Variants in ZNF681 observed in about 807,000 individuals in gnomAD.
The protein encoded by ZNF681 is zinc finger protein 681, also known as hypothetical protein FLJ31526.
ZNF681 carries 37 observed loss-of-function variants against 56.0 expected under a neutral mutation model. The ratio of observed to expected loss-of-function variants is 0.66; its 90% CI spans 0.51 to 0.87. ZNF681 has a LOEUF of 0.87. Among genes scored for constraint, ZNF681 ranks in the 40% least tolerant of loss-of-function variants. ZNF681 has a pLI of 0.00. For missense variants in ZNF681, 741 were observed against 744.9 expected (o/e 0.99, Z 0.06); for synonymous variants, 225 against 248.6 (o/e 0.91, Z 0.89).
Position 23,744,818 on chromosome 19 carries a change from A to C in ZNF681, c.732T>G (p.His244Gln). The C allele has an allele frequency of 6.2e-7, 1 of 1,613,304 alleles. No individual in the cohort carries two copies. The highest frequency in any genetic ancestry group is 2.2e-5 in the East Asian group (1 of 44,834). The change falls in exon 4 of 4, where the codon CAT becomes CAG. Residue 244 changes from histidine to glutamine, a missense_variant. Coordinates refer to ENST00000402377, the MANE Select transcript of ZNF681 (RefSeq NM_138286.3). Reference protein sequence around the residue: ...ACNQFTNLTTHKIIYTRDKLY... With the variant: ...ACNQFTNLTTQKIIYTRDKLY... The stretch of plus-strand genomic sequence containing the variant: ...GTTTGTCTCTAGTATAAATTATCTT[A>C]TGTGTAGTAAGGTTTGTGAACTGGT...
In ZNF681 at chr19:23,754,918, C is replaced by A. The variant is rs1476686303; in HGVS notation, c.131G>T (p.Gly44Val). 6.2e-7 allele frequency: 1 copy of A among 1,610,914 alleles called. No individual in the cohort carries two copies. The highest frequency in any genetic ancestry group is 8.5e-7 in the Non-Finnish European group (1 of 1,178,652). ...LENYRNLVFL[G>V]IVVSKPDLIT... is the part of the protein sequence containing the mutation. ...CAGGTCTGGCTTAGAGACAACAATA[C>A]CTGTTTTATTGAAAGTAAATAACAT... Residue 44 changes from glycine (G) to valine (V), a missense_variant and splice_region_variant, in exon 3 of 4, where the codon GGT becomes GTT. Transcript: ENST00000402377.
At chr19:23,755,390 G>A in intron 2 of ZNF681, 35 bp downstream of exon 2, 1 of 1,589,810 alleles carries the variant, frequency 6.3e-7, no homozygotes, top group Non-Finnish European at 8.5e-7. Flanking sequence ...AACCTTTAGG[G>A]TATAATAGGA....
chr19:23,747,533 G>A (rs569522787), intron 3 of ZNF681, among the ~76,000 whole-genome samples: 43 of 151,204 alleles, frequency 2.8e-4, no homozygotes, highest in African/African-American at 8.3e-4. Context: ...CCAGCTACTC[G>A]GGAGGCTGAG....
Position 23,758,853 on chromosome 19 carries a change from G to C in ZNF681, c.-104C>G. 1 of 1,510,050 alleles carries C rather than the reference G, an allele frequency of 6.6e-7. No individual in the cohort carries two copies. Among genetic ancestry groups the C allele is most frequent in the East Asian group, 2.3e-5 (1 of 44,128 alleles). 93.5% of individuals were successfully genotyped at this position (1,510,050 alleles called of 1,614,324 possible). On this transcript the variant is annotated 5_prime_UTR_variant, in exon 1 of 4. Transcript: ENST00000402377. ...CTCTAGAAGAAGAGGACACAGAGCA[G>C]TGAAGACGAGACCCGGAGCTCGGGC...
intron 3 of ZNF681, among the ~76,000 whole-genome samples, chr19:23,746,140 C>A (rs1017851143): frequency 1.4e-4 from 21 of 151,938 alleles, no homozygotes; most frequent in African/African-American, 4.1e-4. Flanking sequence ...CATGGTGAAA[C>A]CCTGTCTCTA....
chr19:23,751,382 A>G (rs1020824046), intron 3 of ZNF681, among the ~76,000 whole-genome samples: 1 of 150,820 alleles, frequency 6.6e-6, no homozygotes, highest in African/African-American at 2.4e-5. Flanking sequence ...AGGCTGAGGC[A>G]GCAGAATTGC....
In ZNF681 at chr19:23,743,663, G is replaced by A. The variant is rs1320607440; in HGVS notation, c.1887C>T (p.Asn629=). The A allele has an allele frequency of 6.4e-7, 1 of 1,564,398 alleles. No individual in the cohort carries two copies. Among genetic ancestry groups the A allele is most frequent in the African/African-American group, 1.4e-5 (1 of 72,984 alleles). Residue 629 remains asparagine, a synonymous_variant, in exon 4 of 4, where the codon AAC becomes AAT. Coordinates refer to ENST00000402377, the MANE Select transcript of ZNF681 (RefSeq NM_138286.3). ...KPKRCNSDFE[N]TSKFSKHKRN... Reference sequence around the variant, plus strand: ...TTTTATGTTTAGAAAACTTTGAAGTGTTTTCAAAATCACTGTTACATCTTT... The same window carrying A: ...TTTTATGTTTAGAAAACTTTGAAGTATTTTCAAAATCACTGTTACATCTTT...
rs570458431 is a variant in ZNF681, at chr19:23,745,470, T to G, written c.227-147A>C. On this transcript the variant is annotated intron_variant, in intron 3 of 3. Coordinates refer to ENST00000402377, the MANE Select transcript of ZNF681 (RefSeq NM_138286.3). Reference sequence around the variant, plus strand: ...CCTAATTTTTTTTTTTTTTTTTTCCTGAGACGGAGTTTCAATCTGTCACTT... The same window carrying G: ...CCTAATTTTTTTTTTTTTTTTTTCCGGAGACGGAGTTTCAATCTGTCACTT... 9.4e-5 allele frequency: 51 copies of G among 544,164 alleles called. No homozygotes were observed. The East Asian group carries it at 1.3e-3, about 13-fold the overall frequency. 33.7% of individuals were successfully genotyped at this position (544,164 alleles called of 1,614,324 possible).
intron 3 of ZNF681, among the ~76,000 whole-genome samples, chr19:23,753,346 C>A (rs1400450877): frequency 6.6e-6 from 1 of 152,296 alleles, no homozygotes; most frequent in Non-Finnish European, 1.5e-5. Context: ...TTGCAGTGAG[C>A]TGAGATCGCA....
chr19:23,746,835 GA>G, intron 3 of ZNF681, among the ~76,000 whole-genome samples: 1 of 152,264 alleles, frequency 6.6e-6, no homozygotes, highest in South Asian at 2.1e-4. Flanking sequence ...TTAAATTTAG[GA>G]ATACCAGGTG....
chr19:23,743,900 A>G lies in ZNF681; in HGVS notation c.1650T>C (p.Ala550=), dbSNP rs753644826. The G allele has an allele frequency of 6.9e-6, 11 of 1,601,462 alleles. No homozygotes were observed. The highest frequency in any genetic ancestry group is 9.4e-6 in the Non-Finnish European group (11 of 1,170,906). The change falls in exon 4 of 4, where the codon GCT becomes GCC. Residue 550 remains alanine (A), a synonymous_variant. Transcript: ENST00000402377. The part of the protein sequence containing the change: ...GKAFNHSSHL[A]THKVIHTGEK... ...CTCCAGTATGAATTACCTTATGTGT[A>G]GCAAGATGTGAGGAATGGTTAAAGG...
Position 23,744,024 on chromosome 19 carries a change from T to C in ZNF681, c.1526A>G (p.Glu509Gly). The change falls in exon 4 of 4, where the codon GAA becomes GGA. Residue 509 changes from glutamate (E) to glycine (G), a missense_variant. By Grantham distance (98) the Glu-to-Gly change is moderately conservative (BLOSUM62 -2). Transcript: ENST00000402377. ...IHTGEKSYKC[E>G]ECGKAFYRSS... ...TCGATAGAAAGCTTTGCCACATTCT[T>C]CACATTTGTAGGATTTCTCTCCAGT... 1 of 1,613,298 alleles carries C rather than the reference T, an allele frequency of 6.2e-7. No individual in the cohort carries two copies. Among genetic ancestry groups the C allele is most frequent in the Non-Finnish European group, 8.5e-7 (1 of 1,179,900 alleles).
intron 3 of ZNF681, among the ~76,000 whole-genome samples, chr19:23,747,927 C>G (rs1242821384): frequency 6.6e-6 from 1 of 152,062 alleles, no homozygotes; most frequent in South Asian, 2.1e-4. Flanking sequence ...AGAGAAAAGA[C>G]AATCTCTTCA....
chr19:23,751,550 G>A (rs535577826), intron 3 of ZNF681, among the ~76,000 whole-genome samples: 1 of 152,114 alleles, frequency 6.6e-6, no homozygotes, highest in South Asian at 2.1e-4. Context: ...TTCACAGAAG[G>A]CAAGTATTTT....
Position 23,742,549 on chromosome 19 carries a change from A to G in ZNF681, c.*1063T>C, listed in dbSNP as rs1968886029. 2 of 152,244 alleles carry G rather than the reference A, an allele frequency of 1.3e-5. No homozygotes were observed. The highest frequency in any genetic ancestry group is 2.1e-4 in the South Asian group (1 of 4,832). 9.4% of individuals were successfully genotyped at this position (152,244 alleles called of 1,614,324 possible). A position where few individuals can be genotyped will look rare whatever the true frequency, so the allele number is the denominator to read the frequency against. ...ATACCAGAAAATTTTTTTTCTCAATATAACACAGGATATTTATCTGAACTC... is the reference window on the plus strand; with the variant it reads ...ATACCAGAAAATTTTTTTTCTCAATGTAACACAGGATATTTATCTGAACTC... On this transcript the variant is annotated 3_prime_UTR_variant, in exon 4 of 4. Transcript: ENST00000402377.
Position 23,744,351 on chromosome 19 carries a change from C to T in ZNF681, c.1199G>A (p.Gly400Asp), listed in dbSNP as rs1968910197. 2 of 1,613,846 alleles carry T rather than the reference C, an allele frequency of 1.2e-6. No individual in the cohort carries two copies. Among genetic ancestry groups the T allele is most frequent in the Non-Finnish European group, 1.7e-6 (2 of 1,179,938 alleles). Reference protein sequence around the residue: ...GEKPYKCEECGKAFNKSSHLT... With the variant: ...GEKPYKCEECDKAFNKSSHLT... Reference sequence around the variant, plus strand: ...GTGTGAGGACTTGTTAAAAGCTTTGCCACATTCTTCACATTTGTAGGGTTT... The same window carrying T: ...GTGTGAGGACTTGTTAAAAGCTTTGTCACATTCTTCACATTTGTAGGGTTT... Residue 400 changes from glycine (G) to aspartate (D), a missense_variant, in exon 4 of 4, where the codon GGC becomes GAC. By Grantham distance (94) the Gly-to-Asp change is moderately conservative (BLOSUM62 -1). Coordinates refer to ENST00000402377, the MANE Select transcript of ZNF681 (RefSeq NM_138286.3).
intron 3 of ZNF681, among the ~76,000 whole-genome samples, chr19:23,748,615 G>A (rs1283370055): frequency 6.6e-6 from 1 of 152,082 alleles, no homozygotes; most frequent in Non-Finnish European, 1.5e-5. Context: ...ACACTCTTTT[G>A]TCTTTGTCTT....
chr19:23,746,968 C>A (rs1968953216), intron 3 of ZNF681, among the ~76,000 whole-genome samples: 2 of 151,886 alleles, frequency 1.3e-5, no homozygotes, highest in Admixed American at 1.3e-4. Flanking sequence ...TACAAATAAT[C>A]AAAAAATTAG....
At chr19:23,750,880 T>C (rs1229579759) in intron 3 of ZNF681, among the ~76,000 whole-genome samples, 1 of 150,972 alleles carries the variant, frequency 6.6e-6, no homozygotes, top group Non-Finnish European at 1.5e-5. Flanking sequence ...TCCCAGCACT[T>C]TGGGAGGCTG....
Sources: allele counts gnomAD v4.1 joint callset (sites outside exome capture counted in the v4.1 genomes callset), GRCh38; gene constraint gnomAD v4.1.1; transcripts MANE v1.5; gene names NCBI Gene and HGNC (gene_info 2026-07-23, HGNC 2026-07-21).